Variants in RALYL observed in about 807,000 individuals in gnomAD.
RALYL encodes RALY RNA binding protein like, also known as RNA-binding Raly-like protein.
A neutral mutation model predicts 35.1 loss-of-function variants in RALYL; 29 were observed. That is an observed-to-expected ratio of 0.83 (90% CI 0.61 to 1.13). The LOEUF is 1.13. Among genes scored for constraint, RALYL ranks in the 50% most tolerant of loss-of-function variants. RALYL has a pLI of 0.00. For missense variants in RALYL, 359 were observed against 360.4 expected (o/e 1.00, Z 0.03); for synonymous variants, 120 against 127.6 (o/e 0.94, Z 0.40).
intron 2 of RALYL, among the ~76,000 whole-genome samples, chr8:84,611,905 C>T (rs1015802383): frequency 1.3e-5 from 2 of 151,976 alleles, no homozygotes; most frequent in Non-Finnish European, 2.9e-5. Flanking sequence ...TACTAGTAAA[C>T]AAAGTGTTGG....
intron 1 of RALYL, among the ~76,000 whole-genome samples, chr8:84,398,302 A>T (rs1387927564): frequency 6.7e-6 from 1 of 149,536 alleles, no homozygotes; most frequent in East Asian, 2.0e-4. Context: ...TACAAGGTAA[A>T]GTTTCTTTTT....
At chr8:84,238,662 A>T (rs1431651571) in intron 1 of RALYL, among the ~76,000 whole-genome samples, 1 of 152,148 alleles carries the variant, frequency 6.6e-6, no homozygotes, top group Non-Finnish European at 1.5e-5. Flanking sequence ...AAGGGGGAAG[A>T]TAGGAAAAGT....
At chr8:84,619,502 G>C (rs1256397678) in intron 2 of RALYL, among the ~76,000 whole-genome samples, 2 of 146,146 alleles carry the variant, frequency 1.4e-5, no homozygotes, top group Non-Finnish European at 3.0e-5. Flanking sequence ...CACGTGAGAT[G>C]GGTTTCCTGA....
At chr8:84,579,819 G>A (rs1810416665) in intron 2 of RALYL, among the ~76,000 whole-genome samples, 1 of 152,116 alleles carries the variant, frequency 6.6e-6, no homozygotes, top group African/African-American at 2.4e-5. Context: ...ATAAAATAAT[G>A]GTCAGTCTAG....
chr8:84,794,933 G>T (rs182644125), intron 3 of RALYL, among the ~76,000 whole-genome samples: 1 of 152,318 alleles, frequency 6.6e-6, no homozygotes, highest in African/African-American at 2.4e-5. Context: ...ATGAGTCTGA[G>T]TGTCAGAACT....
chr8:84,360,929 C>T (rs1481038459), intron 1 of RALYL, among the ~76,000 whole-genome samples: 1 of 150,170 alleles, frequency 6.7e-6, no homozygotes, highest in Non-Finnish European at 1.5e-5. Context: ...CAAAATATTA[C>T]CTTACATTCA....
intron 6 of RALYL, among the ~76,000 whole-genome samples, chr8:84,864,195 G>A (rs187018640): frequency 7.9e-6 from 1 of 127,316 alleles, no homozygotes; most frequent in African/African-American, 2.8e-5. Flanking sequence ...TTCTTTGTGT[G>A]TGTGTTTGTG....
intron 4 of RALYL, among the ~76,000 whole-genome samples, chr8:84,849,400 T>G (rs1835343160): frequency 6.6e-6 from 1 of 152,218 alleles, no homozygotes; most frequent in Admixed American, 6.5e-5. Flanking sequence ...CCATTTATCT[T>G]ATTTCAATAC....
At chr8:84,650,708 C>T (rs1391696539) in intron 2 of RALYL, among the ~76,000 whole-genome samples, 1 of 151,664 alleles carries the variant, frequency 6.6e-6, no homozygotes, top group Non-Finnish European at 1.5e-5. Flanking sequence ...TTGACCCAGC[C>T]ATCCCATTAC....
chr8:84,564,442 AAGCTTATAACCTGC>A (rs2061652064), intron 2 of RALYL, among the ~76,000 whole-genome samples: 1 of 151,682 alleles, frequency 6.6e-6, no homozygotes, highest in South Asian at 2.1e-4. Flanking sequence ...ACTTCTTCCC[AAGCTTATAACCTGC>A]ATCTTTAGAG....
chr8:84,550,645 TTATA>T (rs1327990103), intron 2 of RALYL, among the ~76,000 whole-genome samples: 1 of 151,654 alleles, frequency 6.6e-6, no homozygotes, highest in Non-Finnish European at 1.5e-5. Context: ...AAAAGTAGGC[TTATA>T]TTATAACAGA....
chr8:84,447,930 T>C (rs1159471822), intron 1 of RALYL, among the ~76,000 whole-genome samples: 6 of 151,970 alleles, frequency 3.9e-5, no homozygotes, highest in African/African-American at 1.5e-4. Flanking sequence ...ATGTATAATA[T>C]TACAGGGGCT....
At chr8:84,584,004 G>A (rs1461895205) in intron 2 of RALYL, among the ~76,000 whole-genome samples, 1 of 151,896 alleles carries the variant, frequency 6.6e-6, no homozygotes, top group Admixed American at 6.6e-5. Context: ...TATATTTATG[G>A]GGTACATGAA....
At chr8:84,886,695 T>C (rs572723867) in intron 7 of RALYL, among the ~76,000 whole-genome samples, 46 of 152,318 alleles carry the variant, frequency 3.0e-4, no homozygotes, top group African/African-American at 1.0e-3. Context: ...GAGGAAATAA[T>C]TACGATGCTG....
At chr8:84,299,261 G>C (rs1203551302) in intron 1 of RALYL, among the ~76,000 whole-genome samples, 1 of 152,000 alleles carries the variant, frequency 6.6e-6, no homozygotes, top group Non-Finnish European at 1.5e-5. Flanking sequence ...CTTATGTGAT[G>C]AATCACATTT....
intron 1 of RALYL, among the ~76,000 whole-genome samples, chr8:84,273,645 A>AGGGGGG (rs1834772345): frequency 1.3e-5 from 2 of 152,222 alleles, no homozygotes. Context: ...GCTTCATTTT[A>AGGGGGG]GCTCTTAGTA....
At chr8:84,688,906 G>A (rs1041442169) in intron 2 of RALYL, among the ~76,000 whole-genome samples, 1 of 151,762 alleles carries the variant, frequency 6.6e-6, no homozygotes, top group South Asian at 2.1e-4. Context: ...TGGTTAAAGG[G>A]ATGTCGAAAG....
At chr8:84,704,027 A>T (rs1840692397) in intron 2 of RALYL, among the ~76,000 whole-genome samples, 1 of 152,248 alleles carries the variant, frequency 6.6e-6, no homozygotes, top group Non-Finnish European at 1.5e-5. Context: ...TTTTAATTAT[A>T]TAAAAAAGTT....
intron 2 of RALYL, among the ~76,000 whole-genome samples, chr8:84,600,621 C>A: frequency 6.6e-6 from 1 of 152,068 alleles, no homozygotes; most frequent in South Asian, 2.1e-4. Context: ...AATTTGCAGG[C>A]CTTTGGGACT....
Sources: gnomAD v4.1 joint callset for allele counts (sites outside exome capture counted in the v4.1 genomes callset) on GRCh38, gnomAD v4.1.1 for gene constraint, MANE v1.5 for transcripts, NCBI Gene and HGNC (gene_info 2026-07-23, HGNC 2026-07-21) for gene names.